Variants in DSCAML1 observed in about 807,000 individuals in gnomAD.
DSCAML1 encodes cell adhesion molecule DSCAML1.
In DSCAML1, 38 loss-of-function variants were observed where a neutral mutation model predicts 200.5. The observed-to-expected ratio is 0.19, with a 90% CI of 0.15 to 0.25. The LOEUF is 0.25. Among genes scored for constraint, DSCAML1 ranks in the 10% least tolerant of loss-of-function variants. The probability of loss-of-function intolerance (pLI) is 1.00; values close to 1 mark genes in which losing one functional copy is unlikely to be tolerated. For missense variants in DSCAML1, 2,223 were observed against 2,858.8 expected (o/e 0.78, Z 5.07); for synonymous variants, 1,215 against 1,165.0 (o/e 1.04, Z -0.87).
At position 117,431,635 on chromosome 11, in the gene DSCAML1, G is replaced by C. The variant is rs772534456; in HGVS notation, c.5273C>G (p.Pro1758Arg). The C allele has an allele frequency of 6.2e-7, 1 of 1,613,516 alleles. No individual in the cohort carries two copies. Among genetic ancestry groups the C allele is most frequent in the East Asian group, 2.2e-5 (1 of 44,852 alleles). ...WTLTKCQAST[P>R]ARTLTSDWRT... is the part of the protein sequence containing the mutation. The stretch of plus-strand genomic sequence containing the variant: ...CCAGTCGGAGGTGAGGGTGCGGGCA[G>C]GTGTGGAGGCCTGGCACTTGGTCAG... The change falls in exon 31 of 33, where the codon CCT (proline) becomes CGT (arginine). Residue 1758 changes from proline (P) to arginine (R), a missense_variant. Around this residue, in one of 7 missense-constraint regions of DSCAML1, gnomAD observed 614 missense variants for 739.1 expected, o/e 0.83. Coordinates refer to ENST00000651296, the MANE Select transcript of DSCAML1 (RefSeq NM_020693.4).
rs1591354964 is a variant in DSCAML1 at position 117,642,668 on chromosome 11, T to C, written c.512-110146A>G. 6.6e-6 allele frequency among the ~76,000 whole-genome samples: 1 copy of C among 152,208 alleles called. No individual in the cohort carries two copies. The highest frequency in any genetic ancestry group is 1.5e-5 in the Non-Finnish European group (1 of 68,030). On this transcript the variant is annotated intron_variant, in intron 3 of 32. Coordinates refer to ENST00000651296, the MANE Select transcript of DSCAML1 (RefSeq NM_020693.4). The surrounding 1 kb of genome is among the most constrained non-coding windows in gnomAD (Gnocchi z 4.1). ...AGTTGCAGTGGCCCAGAGTGGGATC[T>C]GTGGCTCCTGGCTGCTTCTTGGGCC... is the stretch of plus-strand genomic sequence containing the variant.
intron 3 of DSCAML1, among the ~76,000 whole-genome samples, chr11:117,541,604 T>C (rs2050269709): frequency 1.3e-5 from 2 of 152,208 alleles, no homozygotes; most frequent in African/African-American, 4.8e-5. Flanking sequence ...CTTTGATCCT[T>C]TCCTTGTTTC....
intron 3 of DSCAML1, among the ~76,000 whole-genome samples, chr11:117,612,984 GA>G (rs1218921562): frequency 6.6e-6 from 1 of 152,162 alleles, no homozygotes; most frequent in Non-Finnish European, 1.5e-5. Flanking sequence ...TTCTGCACCT[GA>G]AAGCCACGGA....
At chr11:117,474,940 A>G (rs2048759958) in intron 14 of DSCAML1, among the ~76,000 whole-genome samples, 1 of 151,900 alleles carries the variant, frequency 6.6e-6, no homozygotes, top group South Asian at 2.1e-4. Context: ...TATTTTTAGT[A>G]GAGATGGGGT....
At chr11:117,668,745 G>C (rs961211148) in intron 3 of DSCAML1, 4 of 152,280 alleles carry the variant, frequency 2.6e-5, no homozygotes, top group Non-Finnish European at 4.4e-5. Flanking sequence ...CCTTCCGGCT[G>C]TTCCTGCTGC....
chr11:117,700,427 T>C (rs902407539), intron 3 of DSCAML1, among the ~76,000 whole-genome samples: 3 of 152,148 alleles, frequency 2.0e-5, no homozygotes, highest in Non-Finnish European at 4.4e-5. Context: ...CCAGAGTCCC[T>C]GGGAAACGGC....
chr11:117,626,588 A>C (rs1392028886), intron 3 of DSCAML1, among the ~76,000 whole-genome samples: 2 of 152,156 alleles, frequency 1.3e-5, no homozygotes, highest in Non-Finnish European at 2.9e-5. Flanking sequence ...GGTGCTGGTC[A>C]TGCTGCCTGC....
intron 3 of DSCAML1, among the ~76,000 whole-genome samples, chr11:117,634,168 G>T (rs1413012186): frequency 2.6e-5 from 4 of 152,320 alleles, no homozygotes; most frequent in Admixed American, 1.3e-4. Context: ...GACAGGGAGA[G>T]GGATGATTCA....
chr11:117,787,171 C>T (rs1324131536), intron 1 of DSCAML1, among the ~76,000 whole-genome samples: 2 of 152,220 alleles, frequency 1.3e-5, no homozygotes, highest in Non-Finnish European at 2.9e-5. Context: ...AAGACTGCCT[C>T]ACCTTTCTGT....
At chr11:117,513,430 C>T (rs1261563953) in intron 8 of DSCAML1, among the ~76,000 whole-genome samples, 2 of 152,100 alleles carry the variant, frequency 1.3e-5, no homozygotes, top group African/African-American at 2.4e-5. Context: ...CTAGTAAGTT[C>T]TCAAAGTAGA....
At chr11:117,550,426 T>C (rs1281137275) in intron 3 of DSCAML1, among the ~76,000 whole-genome samples, 1 of 126,182 alleles carries the variant, frequency 7.9e-6, no homozygotes, top group African/African-American at 3.0e-5. Flanking sequence ...CTGGCCCCAG[T>C]GTCTGGCCTG....
upstream of DSCAML1, chr11:117,801,586 TA>T (rs1235109593): frequency 1.3e-5 from 2 of 152,202 alleles, no homozygotes; most frequent in East Asian, 3.8e-4. Context: ...TGCCTATATA[TA>T]AAAAAATATT....
At chr11:117,691,051 G>A (rs1364426224) in intron 3 of DSCAML1, among the ~76,000 whole-genome samples, 1 of 152,216 alleles carries the variant, frequency 6.6e-6, no homozygotes, top group East Asian at 1.9e-4. Flanking sequence ...CCCCAGATGT[G>A]TATACTACAT....
chr11:117,579,615 C>T (rs1273269133), intron 3 of DSCAML1, among the ~76,000 whole-genome samples: 1 of 152,194 alleles, frequency 6.6e-6, no homozygotes, highest in African/African-American at 2.4e-5. Flanking sequence ...TCATTCTCTG[C>T]ACAGTATGTG....
chr11:117,711,873 CA>C (rs1371401909), intron 3 of DSCAML1, among the ~76,000 whole-genome samples: 1 of 152,144 alleles, frequency 6.6e-6, no homozygotes, highest in Non-Finnish European at 1.5e-5. Flanking sequence ...ATTTGCATTA[CA>C]AAAAAATTAA....
Position 117,428,078 on chromosome 11 carries a change from T to C in DSCAML1, c.*250A>G, listed in dbSNP as rs1194084565. ...ATATATGTATATATATCTCCACACA[T>C]ATTTTGTGGGGTGGGGGATTTGACT... On this transcript the variant is annotated 3_prime_UTR_variant, in exon 33 of 33. Transcript: ENST00000651296. 3 of 431,466 alleles carry C rather than the reference T, an allele frequency of 7.0e-6. No homozygotes were observed. The highest frequency in any genetic ancestry group is 4.9e-5 in the East Asian group (1 of 20,454). 26.7% of individuals were successfully genotyped at this position (431,466 alleles called of 1,614,324 possible).
At chr11:117,664,563 A>T (rs2052933876) in intron 3 of DSCAML1, among the ~76,000 whole-genome samples, 1 of 152,132 alleles carries the variant, frequency 6.6e-6, no homozygotes, top group Admixed American at 6.5e-5. Flanking sequence ...TATGAAAAGT[A>T]CCTAGCGCTG....
In DSCAML1 at chr11:117,791,041, C is replaced by T. The variant is rs1195113821; in HGVS notation, c.46+5993G>A. Reference sequence around the variant, plus strand: ...CAGGGAGTGGGGCAGGGCAGCTGAACGAATGAGGGGAGTAGCAGCTGGAGT... The same window carrying T: ...CAGGGAGTGGGGCAGGGCAGCTGAATGAATGAGGGGAGTAGCAGCTGGAGT... On this transcript the variant is annotated intron_variant, in intron 1 of 32. Transcript: ENST00000651296. Among the ~76,000 whole-genome samples, 3 of 152,264 alleles carry T rather than the reference C, an allele frequency of 2.0e-5. No individual in the cohort carries two copies. The East Asian group carries it at 5.8e-4, about 29-fold the overall frequency.
Position 117,780,494 on chromosome 11 carries a change from T to A in DSCAML1, c.363A>T (p.Ala121=). The A allele has an allele frequency of 1.4e-6, 2 of 1,445,800 alleles. No homozygotes were observed. The highest frequency in any genetic ancestry group is 1.8e-6 in the Non-Finnish European group (2 of 1,094,556). The allele number at this position is 1,445,800 out of a possible 1,614,324, so 89.6% of individuals were successfully genotyped here. Residue 121 remains alanine (A), a splice_region_variant and synonymous_variant, in exon 2 of 33, where the codon GCA becomes GCT. Transcript: ENST00000651296. This position sits in a 1 kb window ranked among gnomAD's most constrained non-coding sequence, Gnocchi z 4.8. ...KIRSPNIRVK[A]VFREPYTVRV... is the part of the protein sequence containing the mutation. ...GGCAGCCAGTGTCTTGTCCCTTACC[T>A]GCTTTGACGCGGATGTTGGGGCTCC...
Sources: allele counts gnomAD v4.1 joint callset (sites outside exome capture counted in the v4.1 genomes callset), GRCh38; gene constraint gnomAD v4.1.1; regional missense constraint gnomAD v4.1.1; non-coding constraint Gnocchi (gnomAD v3.1); transcripts MANE v1.5; gene names NCBI Gene and HGNC (gene_info 2026-07-23, HGNC 2026-07-21).